OCA2: variants seen among roughly 807,000 people sequenced by gnomAD.
OCA2 encodes OCA2 melanosomal transmembrane protein.
A neutral mutation model predicts 100.2 loss-of-function variants in OCA2; 77 were observed. The ratio of observed to expected loss-of-function variants is 0.77; its 90% CI spans 0.64 to 0.93. The LOEUF is 0.93. Ranked by LOEUF, OCA2 falls within the 40% of genes least tolerant of loss-of-function variation. The pLI, the probability that OCA2 is intolerant of heterozygous loss-of-function variation, is 0.00. For missense variants in OCA2, 1,062 were observed against 1,089.1 expected, an observed-to-expected ratio of 0.98 and a Z score of 0.35; for synonymous variants, 432 against 439.2, an observed-to-expected ratio of 0.98 and a Z score of 0.21.
Position 28,029,713 on chromosome 15 carries a change from A to C in OCA2, c.327-1654T>G, listed in dbSNP as rs118084447. Among the ~76,000 whole-genome samples the C allele has an allele frequency of 6.7e-3, 1,023 of 151,822 alleles. 7 individuals carry two copies. Among genetic ancestry groups the C allele is most frequent in the Middle Eastern group, 0.034 (10 of 294 alleles). ...ACGTTCCTGCTGTCAACACCCTTAA[A>C]AGAATACTTCTGAAAATATATAAAT... On this transcript the variant is annotated intron_variant, in intron 3 of 23. Transcript: ENST00000354638.
At chr15:27,816,091 A>G (rs1209077591) in intron 23 of OCA2, among the ~76,000 whole-genome samples, 1 of 152,186 alleles carries the variant, frequency 6.6e-6, no homozygotes, top group Non-Finnish European at 1.5e-5. Context: ...CCGAGATTTC[A>G]CCATTGCACT....
chr15:28,021,223 G>C (rs2141286250), intron 6 of OCA2, among the ~76,000 whole-genome samples: 1 of 152,290 alleles, frequency 6.6e-6, no homozygotes, highest in African/African-American at 2.4e-5. Context: ...GCAGTACCGG[G>C]GGCTTCAGGG....
the OCA2 span, among the ~76,000 whole-genome samples, chr15:27,733,397 T>G: frequency 6.6e-6 from 1 of 152,192 alleles, no homozygotes. Flanking sequence ...CCCACACTGG[T>G]ACCTCCTGAA....
At chr15:27,924,668 AAC>A (rs2038982300) in intron 19 of OCA2, among the ~76,000 whole-genome samples, 1 of 152,328 alleles carries the variant, frequency 6.6e-6, no homozygotes, top group Admixed American at 6.5e-5. Flanking sequence ...ATAACTCAAA[AAC>A]ACAGTTTTAA....
At chr15:27,966,566 A>T (rs2040572990) in intron 15 of OCA2, 124 bp downstream of exon 15, 1 of 1,005,612 alleles carries the variant, frequency 9.9e-7, no homozygotes, top group South Asian at 1.3e-5. Flanking sequence ...GGACGTGGAG[A>T]GTCACTGGTA....
chr15:27,864,302 G>C (rs2036242252), intron 21 of OCA2, among the ~76,000 whole-genome samples: 1 of 152,192 alleles, frequency 6.6e-6, no homozygotes, highest in South Asian at 2.1e-4. Context: ...AACCTGAGCT[G>C]CTAATAGTGC....
intron 19 of OCA2, among the ~76,000 whole-genome samples, chr15:27,925,288 T>A (rs1239958096): frequency 3.3e-5 from 5 of 152,056 alleles, no homozygotes; most frequent in Non-Finnish European, 7.4e-5. Context: ...AGAATACACA[T>A]CACAAGTAGA....
At chr15:28,014,979 G>A (rs961773662) in intron 8 of OCA2, 50 bp from the exon 9 acceptor site, 13 of 1,593,514 alleles carry the variant, frequency 8.2e-6, no homozygotes, top group Non-Finnish European at 9.5e-6. Flanking sequence ...ACAGTTAGGG[G>A]ACCTCCCTCT....
Position 28,027,855 on chromosome 15 carries a change from C to T in OCA2, c.515+16G>A. On this transcript the variant is annotated intron_variant, in intron 4 of 23. Coordinates refer to ENST00000354638, the MANE Select transcript of OCA2 (RefSeq NM_000275.3). ...GCCACCGCTGCTGCCAGGGTGGGCACCCCAAGTCCGCCTACCTCAGCTTGG... is the reference window on the plus strand; with the variant it reads ...GCCACCGCTGCTGCCAGGGTGGGCATCCCAAGTCCGCCTACCTCAGCTTGG... The T allele has an allele frequency of 6.2e-7, 1 of 1,611,652 alleles. No individual in the cohort carries two copies. The highest frequency in any genetic ancestry group is 8.5e-7 in the Non-Finnish European group (1 of 1,179,964).
chr15:27,783,823 A>G (rs1273270093), intron 23 of OCA2, among the ~76,000 whole-genome samples: 1 of 152,244 alleles, frequency 6.6e-6, no homozygotes, highest in Non-Finnish European at 1.5e-5. Flanking sequence ...AGGGGTCAGC[A>G]TGTGCTGTCA....
intron 19 of OCA2, among the ~76,000 whole-genome samples, chr15:27,922,833 C>T (rs2594920): frequency 0.054 from 8,187 of 151,668 alleles, 756 homozygotes; most frequent in African/African-American, 0.19. Context: ...ACTTTTAAGT[C>T]CAGGGGTACA....
At chr15:27,751,722 G>A (rs567029109), downstream of OCA2, among the ~76,000 whole-genome samples, 1 of 152,176 alleles carries the variant, frequency 6.6e-6, no homozygotes, top group South Asian at 2.1e-4. Context: ...ACACACTGTA[G>A]GGAGATGCTG....
intron 19 of OCA2, among the ~76,000 whole-genome samples, chr15:27,896,971 A>T (rs1255265841): frequency 6.6e-6 from 1 of 152,102 alleles, no homozygotes; most frequent in African/African-American, 2.4e-5. Flanking sequence ...TGGGCGGATT[A>T]CGAGGTCAGG....
chr15:28,035,689 A>G (rs4238497), intron 2 of OCA2, among the ~76,000 whole-genome samples: 143,610 of 152,290 alleles, frequency 0.94, 67,821 homozygotes, highest in East Asian at 1. Flanking sequence ...TCTAAGACTG[A>G]GCACTGTCTA....
intron 23 of OCA2, among the ~76,000 whole-genome samples, chr15:27,792,668 G>A (rs540236873): frequency 3.3e-5 from 5 of 152,228 alleles, no homozygotes; most frequent in Admixed American, 6.5e-5. Context: ...CAGCATTCCC[G>A]GGTGTACCTC....
At chr15:27,939,491 A>T (rs1358116830) in intron 18 of OCA2, among the ~76,000 whole-genome samples, 3 of 152,218 alleles carry the variant, frequency 2.0e-5, no homozygotes, top group African/African-American at 7.2e-5. Flanking sequence ...ATTGTGGTTA[A>T]ATTCTGCATT....
At chr15:28,083,315 A>G (rs911584264) in intron 1 of OCA2, among the ~76,000 whole-genome samples, 2 of 152,206 alleles carry the variant, frequency 1.3e-5, no homozygotes, top group African/African-American at 4.8e-5. Flanking sequence ...ATATAGAAAA[A>G]CATGACATTC....
At chr15:27,835,786 C>G (rs2035126786) in intron 23 of OCA2, among the ~76,000 whole-genome samples, 1 of 152,200 alleles carries the variant, frequency 6.6e-6, no homozygotes, top group African/African-American at 2.4e-5. Flanking sequence ...TAACAGTGTG[C>G]TGGGTCGATC....
chr15:27,887,598 C>A (rs2151577686), intron 19 of OCA2, among the ~76,000 whole-genome samples: 1 of 145,510 alleles, frequency 6.9e-6, no homozygotes, highest in Admixed American at 6.9e-5. Context: ...ACTGGGAGAC[C>A]TGTAAGTCCA....
Sources: gnomAD v4.1 joint callset for allele counts (sites outside exome capture counted in the v4.1 genomes callset) on GRCh38, gnomAD v4.1.1 for gene constraint, MANE v1.5 for transcripts, NCBI Gene and HGNC (gene_info 2026-07-23, HGNC 2026-07-21) for gene names.